Variants in TTC3 observed in about 807,000 individuals in gnomAD.
TTC3 encodes the protein E3 ubiquitin-protein ligase TTC3.
A neutral mutation model predicts 249.6 loss-of-function variants in TTC3; 180 were observed. The ratio of observed to expected loss-of-function variants is 0.72; its 90% CI spans 0.64 to 0.82. TTC3 has a LOEUF of 0.82. Ranked by LOEUF, TTC3 falls within the 40% of genes least tolerant of loss-of-function variation. The pLI, the probability that TTC3 is intolerant of heterozygous loss-of-function variation, is 0.00. For synonymous variants in TTC3, 717 were observed against 805.0 expected (o/e 0.89, Z 1.85); for missense variants, 2,061 against 2,398.4 (o/e 0.86, Z 2.94).
At chr21:37,151,055 G>A (rs531777192) in intron 25 of TTC3, among the ~76,000 whole-genome samples, 171 bp downstream of exon 25, 70 of 152,130 alleles carry the variant, frequency 4.6e-4, no homozygotes, top group Non-Finnish European at 9.7e-4. Context: ...AAGAGAACTA[G>A]CCTAGAATGA....
intron 11 of TTC3, among the ~76,000 whole-genome samples, chr21:37,120,920 A>G (rs553566549): frequency 2.0e-5 from 3 of 152,272 alleles, no homozygotes; most frequent in African/African-American, 7.2e-5. Context: ...GTGTCATAAA[A>G]ATCAGGGTTC....
chr21:37,165,001 T>C (rs1312452095), intron 32 of TTC3, among the ~76,000 whole-genome samples: 1 of 152,218 alleles, frequency 6.6e-6, no homozygotes, highest in Non-Finnish European at 1.5e-5. Flanking sequence ...GTTGAAATGC[T>C]GAGCAAATCA....
chr21:37,109,152 G>T (rs1374058364), intron 11 of TTC3, among the ~76,000 whole-genome samples: 1 of 152,182 alleles, frequency 6.6e-6, no homozygotes, highest in Non-Finnish European at 1.5e-5. Flanking sequence ...GAAGACAGGT[G>T]ATTTCTGCAT....
intron 35 of TTC3, among the ~76,000 whole-genome samples, chr21:37,176,942 T>C (rs2082332645): frequency 6.6e-6 from 1 of 152,170 alleles, no homozygotes; most frequent in Non-Finnish European, 1.5e-5. Context: ...GCATATCAGT[T>C]AATCACTGTC....
At position 37,152,940 on chromosome 21, in the gene TTC3, T is replaced by C. The variant is rs1188487526; in HGVS notation, c.2414-11T>C. 1 of 1,561,022 alleles carries C rather than the reference T, an allele frequency of 6.4e-7. No individual in the cohort carries two copies. ...CTATTTATCACTTTAACCATTGTTA[T>C]TTATCCTTAGAAACTGTAGACAATG... is the stretch of plus-strand genomic sequence containing the variant. On this transcript the variant is annotated splice_polypyrimidine_tract_variant and intron_variant, in intron 26 of 45. Coordinates refer to ENST00000355666, the Ensembl canonical transcript of TTC3.
rs1325808738 is a variant in TTC3 at position 37,137,058 on chromosome 21, C to T, written c.1578+1544C>T. Reference sequence around the variant, plus strand: ...ACTTTAAGCCCACTGTTGAGACCTACTGCTAGAATAAAAGATTCTTTGCAA... The same window carrying T: ...ACTTTAAGCCCACTGTTGAGACCTATTGCTAGAATAAAAGATTCTTTGCAA... On this transcript the variant is annotated intron_variant, in intron 18 of 45. Coordinates refer to ENST00000355666, the Ensembl canonical transcript of TTC3. Among the ~76,000 whole-genome samples the T allele has an allele frequency of 2.6e-5, 4 of 152,326 alleles. 1 individual carries two copies. The East Asian group carries it at 7.7e-4, about 29-fold the overall frequency.
At chr21:37,195,379 G>C (rs144967246) in intron 41 of TTC3, among the ~76,000 whole-genome samples, 1 of 152,170 alleles carries the variant, frequency 6.6e-6, no homozygotes, top group Non-Finnish European at 1.5e-5. Flanking sequence ...GTGTAACCAG[G>C]TAGAGGCTGA....
chr21:37,098,568 G>A (rs1163517036), intron 10 of TTC3: 2 of 152,316 alleles, frequency 1.3e-5, no homozygotes, highest in South Asian at 2.1e-4. Context: ...ACTAAAGCCA[G>A]GTCAGCAGCA....
At position 37,132,667 on chromosome 21, in the gene TTC3, C is replaced by CT. The variant is rs763061229; in HGVS notation, c.1359-8dup. ...TATTTTAAAATGATTTTTAAAAATG[C>CT]TTTTTTTCTTTTAGTTCTAGTTCAC... On this transcript the variant is annotated splice_polypyrimidine_tract_variant and intron_variant, in intron 16 of 45. Transcript: ENST00000355666. 74 of 1,571,206 alleles carry CT rather than the reference C, an allele frequency of 4.7e-5. No homozygotes were observed. The Admixed American group carries it at 1.3e-3, about 28-fold the overall frequency.
chr21:37,178,499 A>G (rs1029414113), intron 35 of TTC3, among the ~76,000 whole-genome samples: 1 of 152,146 alleles, frequency 6.6e-6, no homozygotes, highest in Non-Finnish European at 1.5e-5. Flanking sequence ...CCTAATGGGT[A>G]TGGAGTGGTA....
chr21:37,123,319 T>C (rs1260863231), intron 13 of TTC3, among the ~76,000 whole-genome samples: 1 of 152,176 alleles, frequency 6.6e-6, no homozygotes, highest in African/African-American at 2.4e-5. Context: ...TGGGACCAGT[T>C]TGGCCATGAA....
chr21:37,147,326 A>G (rs898844366), intron 21 of TTC3, among the ~76,000 whole-genome samples, 155 bp from the exon 22 acceptor site: 1 of 152,202 alleles, frequency 6.6e-6, no homozygotes, highest in East Asian at 1.9e-4. Flanking sequence ...TTAAAAGGAA[A>G]AACTTTAAAA....
Position 37,201,564 on chromosome 21 carries a change from C to T in TTC3, c.6068C>T (p.Ser2023Phe), listed in dbSNP as rs2085510019. 1.2e-6 allele frequency: 2 copies of T among 1,613,778 alleles called. No individual in the cohort carries two copies. Among genetic ancestry groups the T allele is most frequent in the Non-Finnish European group, 1.7e-6 (2 of 1,179,950 alleles). Reference sequence around the variant, plus strand: ...CAGAATCAGGAGCTGCCTTCCTGCTCTTCTAGGTAGTCACACTTCACTAAA... The same window carrying T: ...CAGAATCAGGAGCTGCCTTCCTGCTTTTCTAGGTAGTCACACTTCACTAAA... Residue 2023 changes from serine (S) to phenylalanine (F), a missense_variant, in exon 46 of 46, where the codon TCT becomes TTT. Physicochemically the swap from Ser to Phe is radical, Grantham distance 155. Coordinates refer to ENST00000355666, the Ensembl canonical transcript of TTC3.
intron 11 of TTC3, among the ~76,000 whole-genome samples, chr21:37,114,916 G>T (rs1205524102): frequency 6.6e-6 from 1 of 151,998 alleles, no homozygotes; most frequent in Non-Finnish European, 1.5e-5. Flanking sequence ...ATCATTCTCA[G>T]CAAACTGTTG....
chr21:37,099,961 G>A (rs2074317228), intron 10 of TTC3, among the ~76,000 whole-genome samples: 1 of 152,210 alleles, frequency 6.6e-6, no homozygotes. Context: ...TGAACGCAAT[G>A]TTGAGTGAAA....
At chr21:37,196,078 C>G (rs566256203) in intron 42 of TTC3, 42 bp downstream of exon 42, 1 of 1,597,896 alleles carries the variant, frequency 6.3e-7, no homozygotes, top group South Asian at 1.1e-5. Context: ...AATACTTTAT[C>G]GAACTGAGGT....
chr21:37,136,571 G>A (rs1389120126), intron 18 of TTC3, among the ~76,000 whole-genome samples: 2 of 152,190 alleles, frequency 1.3e-5, no homozygotes, highest in African/African-American at 2.4e-5. Flanking sequence ...GAGAGGTGAG[G>A]AAGCTGCAGA....
At position 37,122,238 on chromosome 21, in the gene TTC3, G is replaced by GA. The variant is rs913175824; in HGVS notation, c.1063+268dup. ...CCAAATTGTTATTTATTCCTCTGTA[G>GA]AAAAAAAAATCCCTTTCAGAAATTT... On this transcript the variant is annotated intron_variant, in intron 12 of 45. Transcript: ENST00000355666. Among the ~76,000 whole-genome samples, 8 of 148,608 alleles carry GA rather than the reference G, an allele frequency of 5.4e-5. No homozygotes were observed. The South Asian group carries it at 6.4e-4, about 12-fold the overall frequency.
In TTC3 at chr21:37,106,335, A is replaced by G. The variant is rs897678872; in HGVS notation, c.846-2057A>G. The stretch of plus-strand genomic sequence containing the variant: ...GTCATTGGTCAGATATATGTATTGC[A>G]AATATCTTCTCACATTCAGTGGCTT... On this transcript the variant is annotated intron_variant, in intron 10 of 45. Transcript: ENST00000355666. Among the ~76,000 whole-genome samples, 3 of 152,152 alleles carry G rather than the reference A, an allele frequency of 2.0e-5. 1 individual carries two copies. The South Asian group carries it at 6.2e-4, about 32-fold the overall frequency.
Sources: gnomAD v4.1 joint callset for allele counts (sites outside exome capture counted in the v4.1 genomes callset) on GRCh38, gnomAD v4.1.1 for gene constraint, MANE v1.5 for transcripts, NCBI Gene and HGNC (gene_info 2026-07-23, HGNC 2026-07-21) for gene names.